MSRB3: variants seen among roughly 807,000 people sequenced by gnomAD.
The protein encoded by MSRB3 is methionine-R-sulfoxide reductase B3.
A neutral mutation model predicts 21.0 loss-of-function variants in MSRB3; 13 were observed. That is an observed-to-expected ratio of 0.62 (90% confidence interval 0.40 to 0.98). MSRB3 has a LOEUF of 0.98. MSRB3 is among the 50% of genes least tolerant of loss of function. MSRB3 has a pLI of 0.00. For missense variants in MSRB3, 199 were observed against 230.3 expected (o/e 0.86, Z 0.88); for synonymous variants, 87 against 88.6 (o/e 0.98, Z 0.10).
At chr12:65,355,033 G>C (rs1877299227) in intron 4 of MSRB3, among the ~76,000 whole-genome samples, 1 of 151,632 alleles carries the variant, frequency 6.6e-6, no homozygotes, top group East Asian at 1.9e-4. Context: ...ACTGAAAAAA[G>C]GTGTAAAGAG....
At chr12:65,399,736 G>A (rs544201847) in intron 5 of MSRB3, among the ~76,000 whole-genome samples, 1 of 152,116 alleles carries the variant, frequency 6.6e-6, no homozygotes, top group Non-Finnish European at 1.5e-5. Flanking sequence ...TTGACTGTGG[G>A]TTTGTCATAA....
intron 1 of MSRB3, among the ~76,000 whole-genome samples, chr12:65,288,901 C>G (rs1036782805): frequency 1.3e-5 from 2 of 152,082 alleles, no homozygotes; most frequent in Non-Finnish European, 2.9e-5. Context: ...GTAAAATTCA[C>G]TTATAAGATT....
chr12:65,334,950 A>C (rs1021077321), intron 4 of MSRB3, among the ~76,000 whole-genome samples: 7 of 152,166 alleles, frequency 4.6e-5, no homozygotes, highest in African/African-American at 1.7e-4. Flanking sequence ...TTTTTTGAGA[A>C]GATTGATGCC....
intron 5 of MSRB3, chr12:65,418,829 A>T: frequency 4.4e-6 from 4 of 900,528 alleles, no homozygotes; most frequent in Non-Finnish European, 7.3e-6. Context: ...CTGCTGTCCA[A>T]GGCATCACCA....
At chr12:65,367,227 A>G (rs1878063335) in intron 4 of MSRB3, among the ~76,000 whole-genome samples, 2 of 152,214 alleles carry the variant, frequency 1.3e-5, no homozygotes, top group South Asian at 4.1e-4. Flanking sequence ...AAGCCAGATG[A>G]AAGAGGGATA....
At chr12:65,434,103 C>T (rs548082100) in intron 5 of MSRB3, among the ~76,000 whole-genome samples, 2 of 152,036 alleles carry the variant, frequency 1.3e-5, no homozygotes, top group Admixed American at 6.6e-5. Flanking sequence ...TGGGGTCCGT[C>T]CTTTCTCCAT....
intron 5 of MSRB3, among the ~76,000 whole-genome samples, chr12:65,420,404 A>ATT (rs78299431): frequency 0.013 from 1,943 of 147,688 alleles, 39 homozygotes; most frequent in East Asian, 0.049. Context: ...AAGTTTTAAG[A>ATT]TTTTTTTTTT....
intron 3 of MSRB3, 90 bp downstream of exon 3, chr12:65,327,024 G>T: frequency 1.1e-6 from 1 of 906,858 alleles, no homozygotes. Context: ...TTAATTTAAA[G>T]CATTCTATAC....
chr12:65,367,832 G>T (rs1416946490), intron 4 of MSRB3, among the ~76,000 whole-genome samples: 1 of 151,990 alleles, frequency 6.6e-6, no homozygotes, highest in Non-Finnish European at 1.5e-5. Flanking sequence ...GTGGTGATTG[G>T]TAACCATGGA....
chr12:65,361,040 C>T (rs1199243119), intron 4 of MSRB3, among the ~76,000 whole-genome samples: 1 of 151,944 alleles, frequency 6.6e-6, no homozygotes, highest in Non-Finnish European at 1.5e-5. Flanking sequence ...AGATCTTAAC[C>T]AAAGTAATAA....
chr12:65,388,698 C>G (rs1026011360), intron 5 of MSRB3, among the ~76,000 whole-genome samples: 1 of 151,940 alleles, frequency 6.6e-6, no homozygotes, highest in Non-Finnish European at 1.5e-5. Context: ...AGTGAGAACC[C>G]GTCTCTCCAA....
At chr12:65,400,236 CTT>C (rs560495606) in intron 5 of MSRB3, among the ~76,000 whole-genome samples, 18 of 131,972 alleles carry the variant, frequency 1.4e-4, no homozygotes, top group Admixed American at 1.5e-4. Context: ...TGGTCCTGGG[CTT>C]TTTTTTTTTT....
At chr12:65,367,498 C>T (rs1481626457) in intron 4 of MSRB3, among the ~76,000 whole-genome samples, 1 of 152,248 alleles carries the variant, frequency 6.6e-6, no homozygotes, top group African/African-American at 2.4e-5. Flanking sequence ...AAAAAATTCT[C>T]TTAACAGACA....
intron 4 of MSRB3, among the ~76,000 whole-genome samples, chr12:65,338,883 T>C (rs1034974108): frequency 1.3e-5 from 2 of 152,070 alleles, no homozygotes; most frequent in African/African-American, 4.8e-5. Context: ...GAGACCAGCC[T>C]AGGCAACATG....
chr12:65,325,666 A>G (rs186025587), intron 2 of MSRB3, among the ~76,000 whole-genome samples: 322 of 152,148 alleles, frequency 2.1e-3, no homozygotes, highest in African/African-American at 7.4e-3. Flanking sequence ...TCCTAATCAT[A>G]TTTCTTTATA....
intron 4 of MSRB3, among the ~76,000 whole-genome samples, chr12:65,336,390 C>T (rs563213640): frequency 9.9e-5 from 15 of 152,224 alleles, no homozygotes; most frequent in South Asian, 4.1e-4. Context: ...TATATACACA[C>T]GGAAAAGAAC....
At chr12:65,313,258 A>C (rs924230953) in intron 2 of MSRB3, among the ~76,000 whole-genome samples, 1 of 152,110 alleles carries the variant, frequency 6.6e-6, no homozygotes, top group African/African-American at 2.4e-5. Flanking sequence ...AATACTACAG[A>C]TACACATTAA....
chr12:65,303,797 G>A (rs917275570), intron 1 of MSRB3, among the ~76,000 whole-genome samples: 1 of 152,146 alleles, frequency 6.6e-6, no homozygotes, highest in African/African-American at 2.4e-5. Context: ...GTGCTATACT[G>A]GGGACTAGAA....
chr12:65,424,973 T>TTATATATATATATA (rs149024921), intron 5 of MSRB3, among the ~76,000 whole-genome samples: 13 of 47,886 alleles, frequency 2.7e-4, no homozygotes, highest in African/African-American at 8.7e-4. Flanking sequence ...AATATTTGCT[T>TTATATATATATATA]TATATATATA....
Sources: allele counts gnomAD v4.1 joint callset (sites outside exome capture counted in the v4.1 genomes callset), GRCh38; gene constraint gnomAD v4.1.1; transcripts MANE v1.5; gene names NCBI Gene and HGNC (gene_info 2026-07-23, HGNC 2026-07-21).